Variants in COL16A1 observed in about 807,000 individuals in gnomAD.
COL16A1 encodes collagen type XVI alpha 1 chain.
Under a neutral mutation model 266.3 loss-of-function variants are expected in COL16A1, and 189 were observed. The observed-to-expected ratio is 0.71, with a 90% CI of 0.63 to 0.80. The LOEUF (loss-of-function observed/expected upper bound fraction) is 0.80. Ranked by LOEUF, COL16A1 falls within the 30% of genes least tolerant of loss-of-function variation. COL16A1 has a pLI of 0.00. For synonymous variants in COL16A1, 740 were observed against 782.3 expected, an observed-to-expected ratio of 0.95 and a Z score of 0.90; for missense variants, 1,928 against 2,122.4, an observed-to-expected ratio of 0.91 and a Z score of 1.80.
chr1:31,681,775 C>T (rs1334773481), intron 37 of COL16A1, among the ~76,000 whole-genome samples: 2 of 152,254 alleles, frequency 1.3e-5, no homozygotes, highest in Non-Finnish European at 2.9e-5. Context: ...GCTCCGCCAC[C>T]TTCACACGTG....
Position 31,653,604 on chromosome 1 carries a change from G to A in COL16A1, c.4607C>T (p.Pro1536Leu). 2 of 1,613,656 alleles carry A rather than the reference G, an allele frequency of 1.2e-6. No individual in the cohort carries two copies. The highest frequency in any genetic ancestry group is 1.7e-4 in the Middle Eastern group (1 of 6,044). Residue 1536 changes from proline (P) to leucine (L), a missense_variant, in exon 70 of 71, where the codon CCC (proline) becomes CTC (leucine). Coordinates refer to ENST00000373672, the MANE Select transcript of COL16A1 (RefSeq NM_001856.4). ...GIAGENGLPG[P>L]PGPQGPPGYG... ...CAAATGGTGGTATTTCCTACCTGGG[G>A]GGCCGGGAAGACCATTTTCTCCTGC...
At position 31,685,747 on chromosome 1, in the gene COL16A1, T is replaced by C. The variant is rs1249981109; in HGVS notation, c.1908A>G (p.Pro636=). 10 of 1,613,840 alleles carry C rather than the reference T, an allele frequency of 6.2e-6. No homozygotes were observed. Among genetic ancestry groups the C allele is most frequent in the African/African-American group, 1.3e-5 (1 of 74,922 alleles). ...CCCCATCCTGAAGGTTGGACAGGGC[T>C]GGGCACGGCTCACAGGGCTCCCCCT... The part of the protein sequence containing the change: ...GAKGEPCEPC[P]ALSNLQDGDV... Residue 636 remains proline (P), a synonymous_variant, in exon 29 of 71, where the codon CCA becomes CCG. Transcript: ENST00000373672. The surrounding 1 kb of genome is among the most constrained non-coding windows in gnomAD (Gnocchi z 4.0).
chr1:31,689,664 A>G, intron 23 of COL16A1, 77 bp downstream of exon 23: 2 of 1,207,468 alleles, frequency 1.7e-6, no homozygotes, highest in East Asian at 2.3e-5. Flanking sequence ...CCTCTGCCCA[A>G]TTCCTCTCTA....
At chr1:31,695,123 C>T (rs760092239) in intron 11 of COL16A1, 63 bp downstream of exon 11, 4 of 1,577,496 alleles carry the variant, frequency 2.5e-6, no homozygotes, top group Non-Finnish European at 3.5e-6. Context: ...GCCAAGCCAG[C>T]TCTAGGCAAC....
intron 68 of COL16A1, among the ~76,000 whole-genome samples, chr1:31,654,420 G>A (rs1640915375): frequency 6.6e-6 from 1 of 152,108 alleles, no homozygotes; most frequent in Admixed American, 6.6e-5. Context: ...GCACATCAAT[G>A]TTGGATGAAC....
At position 31,661,170 on chromosome 1, in the gene COL16A1, C is replaced by G. The variant is rs186833589; in HGVS notation, c.3772-51G>C. On this transcript the variant is annotated intron_variant, in intron 60 of 70. Transcript: ENST00000373672. ...CTTACCAGACCTTCACTTGACATCC[C>G]TACCCCAAGTCAACCTCACATCAGA... 4.8e-5 allele frequency: 74 copies of G among 1,546,254 alleles called. No individual in the cohort carries two copies. In the African/African-American group the frequency reaches 8.3e-4, roughly 17 times the overall value.
At position 31,688,557 on chromosome 1, in the gene COL16A1, G is replaced by C; in HGVS notation, c.1768-55C>G. The C allele has an allele frequency of 1.2e-6, 2 of 1,610,018 alleles. No individual in the cohort carries two copies. The highest frequency in any genetic ancestry group is 1.7e-6 in the Non-Finnish European group (2 of 1,176,424). On this transcript the variant is annotated intron_variant, in intron 25 of 70. Transcript: ENST00000373672. This position sits in a 1 kb window ranked among gnomAD's most constrained non-coding sequence, Gnocchi z 4.9. ...ATCTCCCCACTCCCACCTCTCCAAG[G>C]CTCCCCGGGTCCCAGTGTCCAACCA...
rs764491395 is a variant in COL16A1, at chr1:31,683,251, C to A, written c.2416-4G>T. On this transcript the variant is annotated splice_polypyrimidine_tract_variant and splice_region_variant and intron_variant, in intron 35 of 70. Coordinates refer to ENST00000373672, the MANE Select transcript of COL16A1 (RefSeq NM_001856.4). ...GTCCCCGAGGTCCCGGAAGTCCCTG[C>A]AGATGGAAGCACAGTTAGTTAACCC... 97 of 1,614,086 alleles carry A rather than the reference C, an allele frequency of 6.0e-5. No homozygotes were observed. The highest frequency in any genetic ancestry group is 1.6e-4 in the Middle Eastern group (1 of 6,084).
In COL16A1 at chr1:31,668,704, A is replaced by C. The variant is rs909011022; in HGVS notation, c.3249+98T>G. 9.0e-5 allele frequency: 121 copies of C among 1,337,282 alleles called. No individual in the cohort carries two copies. The highest frequency in any genetic ancestry group is 2.2e-4 in the Admixed American group (13 of 58,930). The allele number at this position is 1,337,282 out of a possible 1,614,324, so 82.8% of individuals were successfully genotyped here. A position where few individuals can be genotyped will look rare whatever the true frequency, so the allele number is the denominator to read the frequency against. On this transcript the variant is annotated intron_variant, in intron 50 of 70. Coordinates refer to ENST00000373672, the MANE Select transcript of COL16A1 (RefSeq NM_001856.4). The surrounding 1 kb of genome is among the most constrained non-coding windows in gnomAD (Gnocchi z 5.8). ...GAGAGTCTCAAGGAGTCCACCTCCC[A>C]GCTTCCACTCAGCAGCCACCCTTCA... is the stretch of plus-strand genomic sequence containing the variant.
chr1:31,670,381 G>T lies in COL16A1; in HGVS notation c.3195+221C>A. 1.1e-5 allele frequency: 5 copies of T among 466,570 alleles called. No homozygotes were observed. The South Asian group carries it at 2.5e-4, about 23-fold the overall frequency. 28.9% of individuals were successfully genotyped at this position (466,570 alleles called of 1,614,324 possible). A position where few individuals can be genotyped will look rare whatever the true frequency, so the allele number is the denominator to read the frequency against. Reference sequence around the variant, plus strand: ...AGAGAGAGAAGAGGAGAGAAAGAACGCAGGAGAGGAGGGAGAGGAGAAAAC... The same window carrying T: ...AGAGAGAGAAGAGGAGAGAAAGAACTCAGGAGAGGAGGGAGAGGAGAAAAC... On this transcript the variant is annotated intron_variant, in intron 49 of 70. Transcript: ENST00000373672. The surrounding 1 kb of genome is among the most constrained non-coding windows in gnomAD (Gnocchi z 4.5).
Position 31,679,854 on chromosome 1 carries a change from G to T in COL16A1, c.2671-3C>A. 2 of 1,515,858 alleles carry T rather than the reference G, an allele frequency of 1.3e-6. No homozygotes were observed. 93.9% of individuals were successfully genotyped at this position (1,515,858 alleles called of 1,614,324 possible). On this transcript the variant is annotated splice_region_variant and splice_polypyrimidine_tract_variant and intron_variant, in intron 40 of 70. Coordinates refer to ENST00000373672, the MANE Select transcript of COL16A1 (RefSeq NM_001856.4). The stretch of plus-strand genomic sequence containing the variant: ...CCCATCCAAAGTCCCGGAGCACCCT[G>T]GGTGGGAGTGGGGGTCGCAAAAGAA...
chr1:31,653,226 T>C (rs1459405179), intron 70 of COL16A1, among the ~76,000 whole-genome samples: 1 of 152,226 alleles, frequency 6.6e-6, no homozygotes, highest in Admixed American at 6.5e-5. Flanking sequence ...TTGGCCATCC[T>C]CTTTCAGGCT....
intron 66 of COL16A1, 90 bp from the exon 67 acceptor site, chr1:31,655,592 A>G: frequency 6.4e-7 from 1 of 1,568,742 alleles, no homozygotes; most frequent in South Asian, 1.2e-5. Flanking sequence ...CCAGGCCCCC[A>G]GCGTCTCCCT....
In COL16A1 at chr1:31,663,018, A is replaced by C; in HGVS notation, c.3556-360T>G. Reference sequence around the variant, plus strand: ...TGCCTGTTGTATTCTACTCCATCAGACCCCCTGCCTCCTCCCCACCTACCT... The same window carrying C: ...TGCCTGTTGTATTCTACTCCATCAGCCCCCCTGCCTCCTCCCCACCTACCT... On this transcript the variant is annotated intron_variant, in intron 56 of 70. Coordinates refer to ENST00000373672, the MANE Select transcript of COL16A1 (RefSeq NM_001856.4). The surrounding 1 kb of genome is among the most constrained non-coding windows in gnomAD (Gnocchi z 4.9). 2.1e-5 allele frequency: 6 copies of C among 291,546 alleles called. No homozygotes were observed. Among genetic ancestry groups the C allele is most frequent in the Middle Eastern group, 1.1e-3 (1 of 938 alleles). The allele number at this position is 291,546 out of a possible 1,614,324, so 18.1% of individuals were successfully genotyped here.
In COL16A1 at chr1:31,698,071, G is replaced by T; in HGVS notation, c.492C>A (p.Phe164Leu). 1.9e-6 allele frequency: 3 copies of T among 1,613,996 alleles called. No individual in the cohort carries two copies. Among genetic ancestry groups the T allele is most frequent in the Non-Finnish European group, 2.5e-6 (3 of 1,180,052 alleles). ...GCATCAGCTTGTGCCAACGCAAGTC[G>T]AAGAGCTGGGGCACTGGGAAGATGC... is the stretch of plus-strand genomic sequence containing the variant. ...VSCIFPVPQL[F>L]DLRWHKLMLS... Residue 164 changes from phenylalanine (F) to leucine (L), a missense_variant, in exon 6 of 71, where the codon TTC becomes TTA. By Grantham distance (22) the Phe-to-Leu change is conservative. Coordinates refer to ENST00000373672, the MANE Select transcript of COL16A1 (RefSeq NM_001856.4). This position sits in a 1 kb window ranked among gnomAD's most constrained non-coding sequence, Gnocchi z 4.1.
At position 31,683,189 on chromosome 1, in the gene COL16A1, C is replaced by T; in HGVS notation, c.2469+5G>A. The stretch of plus-strand genomic sequence containing the variant: ...GGCCCAATACCCATGGAGGCAGAGG[C>T]TCACCTGGGCACCCTTCTCTCCAGT... On this transcript the variant is annotated splice_donor_5th_base_variant and intron_variant, in intron 36 of 70. Transcript: ENST00000373672. 1 of 1,614,138 alleles carries T rather than the reference C, an allele frequency of 6.2e-7. No homozygotes were observed. The highest frequency in any genetic ancestry group is 8.5e-7 in the Non-Finnish European group (1 of 1,180,010).
intron 67 of COL16A1, 141 bp downstream of exon 67, chr1:31,655,173 G>A (rs543795088): frequency 1.6e-5 from 22 of 1,366,572 alleles, no homozygotes; most frequent in South Asian, 1.5e-4. Flanking sequence ...CCACCCTTCC[G>A]CACACAGTTA....
Position 31,692,024 on chromosome 1 carries a change from G to A in COL16A1, c.1238C>T (p.Pro413Leu), listed in dbSNP as rs755535356. The A allele has an allele frequency of 1.3e-5, 21 of 1,613,868 alleles. No homozygotes were observed. Among genetic ancestry groups the A allele is most frequent in the East Asian group, 6.7e-5 (3 of 44,882 alleles). ...EKGDGGIKGV[P>L]GKPGRDGRPG... ...ACCTACGTCCCGGCCTGGCTTTCCC[G>A]GCACGCCCTTGATGCCTCCGTCGCC... The change falls in exon 17 of 71, where the codon CCG becomes CTG. Residue 413 changes from proline to leucine, a missense_variant. By Grantham distance (98) the Pro-to-Leu change is moderately conservative. Coordinates refer to ENST00000373672, the MANE Select transcript of COL16A1 (RefSeq NM_001856.4).
rs867065139 is a variant in COL16A1 at position 31,679,844 on chromosome 1, G to A, written c.2678C>T (p.Pro893Leu). The change falls in exon 41 of 71, where the codon CCG becomes CTG. Residue 893 changes from proline to leucine, a missense_variant. By Grantham distance (98) the Pro-to-Leu change is moderately conservative (BLOSUM62 -3). Transcript: ENST00000373672. ...DLIFSGMPGA[P>L]GLWMGSSWQP... ...CCAGGAGCTGCCCATCCAAAGTCCCGGAGCACCCTGGGTGGGAGTGGGGGT... is the reference window on the plus strand; with the variant it reads ...CCAGGAGCTGCCCATCCAAAGTCCCAGAGCACCCTGGGTGGGAGTGGGGGT... The A allele has an allele frequency of 4.6e-6, 7 of 1,526,322 alleles. No individual in the cohort carries two copies. The East Asian group carries it at 7.1e-5, about 15-fold the overall frequency. The allele number at this position is 1,526,322 out of a possible 1,614,324, so 94.5% of individuals were successfully genotyped here.
Sources: gnomAD v4.1 joint callset for allele counts (sites outside exome capture counted in the v4.1 genomes callset) on GRCh38, gnomAD v4.1.1 for gene constraint, Gnocchi (gnomAD v3.1) non-coding constraint, MANE v1.5 for transcripts, NCBI Gene and HGNC (gene_info 2026-07-23, HGNC 2026-07-21) for gene names.